The following NIBAN1 variants were observed in gnomAD, a reference collection of about 807,000 sequenced individuals.
The protein encoded by NIBAN1 is protein Niban 1.
NIBAN1 carries 81 observed loss-of-function variants against 75.1 expected under a neutral mutation model. The observed-to-expected ratio is 1.08, with a 90% CI of 0.90 to 1.30. The LOEUF (loss-of-function observed/expected upper bound fraction) is 1.30, where lower values mean the gene tolerates loss of function less well. Ranked by LOEUF, NIBAN1 falls within the 50% of genes most tolerant of loss-of-function variation. The pLI is 0.00. For missense variants in NIBAN1, 1,133 were observed against 1,128.1 expected (o/e 1.00, Z -0.06); for synonymous variants, 436 against 424.8 (o/e 1.03, Z -0.32).
At chr1:184,894,501 C>A (rs1462817101) in intron 2 of NIBAN1, among the ~76,000 whole-genome samples, 1 of 152,164 alleles carries the variant, frequency 6.6e-6, no homozygotes, top group Non-Finnish European at 1.5e-5. Context: ...GCCTTGCATG[C>A]ATGTGGCACT....
chr1:184,845,325 C>T (rs1007681445), intron 5 of NIBAN1, among the ~76,000 whole-genome samples: 4 of 152,150 alleles, frequency 2.6e-5, no homozygotes, highest in African/African-American at 9.7e-5. Context: ...TGGCTAACAA[C>T]AAGCTTAAAC....
At chr1:184,841,296 G>A (rs1020572383) in intron 5 of NIBAN1, among the ~76,000 whole-genome samples, 2 of 152,156 alleles carry the variant, frequency 1.3e-5, no homozygotes, top group Non-Finnish European at 2.9e-5. Context: ...GTTTCATTTA[G>A]TTGCAAGCTC....
chr1:184,887,303 G>A lies in NIBAN1; in HGVS notation c.434-2503C>T, dbSNP rs115137439. On this transcript the variant is annotated intron_variant, in intron 4 of 13. Transcript: ENST00000367511. ...GCTGGGAATGAATCAACATGAAAAC[G>A]AGCAAATGAATGAATGATTGAATGC... Among the ~76,000 whole-genome samples, 318 of 152,224 alleles carry A rather than the reference G, an allele frequency of 2.1e-3. 2 individuals are homozygous for A. The highest frequency in any genetic ancestry group is 6.1e-3 in the Admixed American group (93 of 15,296).
In NIBAN1 at chr1:184,803,565, A is replaced by G; in HGVS notation, c.1554+20T>C. On this transcript the variant is annotated intron_variant, in intron 12 of 13. Coordinates refer to ENST00000367511, the MANE Select transcript of NIBAN1 (RefSeq NM_052966.4). ...CAGAGGTAAGAAGAGCAAGCTCTTT[A>G]GGGTAACTCATCCCCTTACTGGTTT... The G allele has an allele frequency of 1.3e-6, 2 of 1,598,162 alleles. No individual in the cohort carries two copies. The highest frequency in any genetic ancestry group is 1.7e-6 in the Non-Finnish European group (2 of 1,165,986).
chr1:184,878,761 A>T (rs1656299084), intron 5 of NIBAN1, among the ~76,000 whole-genome samples: 1 of 152,232 alleles, frequency 6.6e-6, no homozygotes, highest in South Asian at 2.1e-4. Context: ...AGACAACATG[A>T]TATCTACAAC....
intron 1 of NIBAN1, among the ~76,000 whole-genome samples, chr1:184,914,786 T>C (rs1202908890): frequency 6.6e-6 from 1 of 151,430 alleles, no homozygotes; most frequent in South Asian, 2.1e-4. Context: ...AGTGGCGTGA[T>C]CTCGCAGCTC....
intron 2 of NIBAN1, among the ~76,000 whole-genome samples, chr1:184,894,563 G>GT (rs1390326845): frequency 1.1e-4 from 17 of 152,232 alleles, no homozygotes; most frequent in South Asian, 2.1e-4. Flanking sequence ...GCAGGAAAGT[G>GT]TAAGTGTGGA....
Position 184,974,444 on chromosome 1 carries a change from C to G in NIBAN1, c.-88G>C. 6.8e-7 allele frequency: 1 copy of G among 1,479,658 alleles called. No individual in the cohort carries two copies. The highest frequency in any genetic ancestry group is 9.0e-7 in the Non-Finnish European group (1 of 1,109,158). 91.7% of individuals were successfully genotyped at this position (1,479,658 alleles called of 1,614,324 possible). A position where few individuals can be genotyped will look rare whatever the true frequency, so the allele number is the denominator to read the frequency against. ...GAGGTTGATCCGACGGCGAACCCGG[C>G]TCTGAAATTAAGAGCAAACTTCCTT... On this transcript the variant is annotated 5_prime_UTR_variant, in exon 1 of 14. Transcript: ENST00000367511.
In NIBAN1 at chr1:184,823,739, G is replaced by C. The variant is rs976057878; in HGVS notation, c.721C>G (p.Leu241Val). 1.2e-6 allele frequency: 2 copies of C among 1,614,018 alleles called. No individual in the cohort carries two copies. The highest frequency in any genetic ancestry group is 1.7e-5 in the Admixed American group (1 of 60,012). ...EMITGDEIQI[L>V]SNLVMEELLP... ...AGCTCCTCCATCACCAGGTTACTCA[G>C]GATCTGCGCAGCAGAAGACAGCCCA... The change falls in exon 7 of 14, where the codon CTG becomes GTG. Residue 241 changes from leucine to valine, a missense_variant. Transcript: ENST00000367511.
intron 2 of NIBAN1, among the ~76,000 whole-genome samples, chr1:184,897,593 T>A (rs748901029): frequency 1.3e-5 from 2 of 152,156 alleles, no homozygotes; most frequent in Non-Finnish European, 2.9e-5. Context: ...ATTTCTATTC[T>A]CCAGGCTCAA....
At chr1:184,949,650 A>T (rs1045012548) in intron 1 of NIBAN1, among the ~76,000 whole-genome samples, 5 of 152,156 alleles carry the variant, frequency 3.3e-5, no homozygotes, top group African/African-American at 7.2e-5. Flanking sequence ...TGTCCAACTA[A>T]CTATAAGTTT....
At chr1:184,902,849 T>A (rs1333895304) in intron 1 of NIBAN1, among the ~76,000 whole-genome samples, 1 of 152,214 alleles carries the variant, frequency 6.6e-6, no homozygotes, top group African/African-American at 2.4e-5. Flanking sequence ...ATGAGGATAA[T>A]AAGATGCCCA....
rs1485423819 is a variant in NIBAN1, at chr1:184,837,859, T to A, written c.602-5897A>T. ...GAGAAAAAAACAGTAATCAGCTGAA[T>A]ATCCTTATTTCTCTTCAACTGTTCT... is the stretch of plus-strand genomic sequence containing the variant. On this transcript the variant is annotated intron_variant, in intron 5 of 13. Coordinates refer to ENST00000367511, the MANE Select transcript of NIBAN1 (RefSeq NM_052966.4). Among the ~76,000 whole-genome samples the A allele has an allele frequency of 4.6e-5, 7 of 152,316 alleles. No homozygotes were observed. The East Asian group carries it at 1.4e-3, about 29-fold the overall frequency.
intron 1 of NIBAN1, among the ~76,000 whole-genome samples, chr1:184,970,747 T>G (rs991829585): frequency 6.6e-6 from 1 of 152,224 alleles, no homozygotes; most frequent in Non-Finnish European, 1.5e-5. Context: ...CACTAGGATC[T>G]GTTTATCCCA....
chr1:184,905,570 C>A (rs1657073582), intron 1 of NIBAN1, among the ~76,000 whole-genome samples: 1 of 152,152 alleles, frequency 6.6e-6, no homozygotes, highest in South Asian at 2.1e-4. Flanking sequence ...CCTGTGCATA[C>A]ATGTGCCTTC....
intron 6 of NIBAN1, among the ~76,000 whole-genome samples, chr1:184,824,539 G>A (rs1385807012): frequency 8.5e-5 from 13 of 152,166 alleles, no homozygotes; most frequent in Admixed American, 7.2e-4. Context: ...AAAGGGAAAG[G>A]CTGGCACTGG....
At chr1:184,961,974 T>G (rs1658662363) in intron 1 of NIBAN1, among the ~76,000 whole-genome samples, 1 of 152,220 alleles carries the variant, frequency 6.6e-6, no homozygotes, top group African/African-American at 2.4e-5. Flanking sequence ...TTTGGTGATA[T>G]CACTGAGCCA....
At chr1:184,947,155 T>C (rs1450713119) in intron 1 of NIBAN1, among the ~76,000 whole-genome samples, 1 of 152,198 alleles carries the variant, frequency 6.6e-6, no homozygotes, top group African/African-American at 2.4e-5. Flanking sequence ...GTCCAAGTCT[T>C]TGAGATCTTT....
At chr1:184,935,092 AATTT>A (rs1657921593) in intron 1 of NIBAN1, among the ~76,000 whole-genome samples, 1 of 152,034 alleles carries the variant, frequency 6.6e-6, no homozygotes, top group Admixed American at 6.5e-5. Flanking sequence ...ATCAATTTGA[AATTT>A]ATTTTTAGAC....
Sources: allele counts gnomAD v4.1 joint callset (sites outside exome capture counted in the v4.1 genomes callset), GRCh38; gene constraint gnomAD v4.1.1; transcripts MANE v1.5; gene names NCBI Gene and HGNC (gene_info 2026-07-23, HGNC 2026-07-21).